Variants in AGBL4 observed in about 807,000 individuals in gnomAD.
AGBL4 encodes cytosolic carboxypeptidase 6.
In AGBL4, 58 loss-of-function variants were observed where a neutral mutation model predicts 66.4. The ratio of observed to expected loss-of-function variants is 0.87; its 90% CI spans 0.71 to 1.09. AGBL4 has a LOEUF of 1.09. Among genes scored for constraint, AGBL4 ranks in the 50% least tolerant of loss-of-function variants. AGBL4 has a pLI of 0.00. For missense variants in AGBL4, 579 were observed against 631.0 expected (o/e 0.92, Z 0.88); for synonymous variants, 234 against 222.9 (o/e 1.05, Z -0.44).
At chr1:49,831,768 T>C (rs1408551440) in intron 2 of AGBL4, among the ~76,000 whole-genome samples, 2 of 152,124 alleles carry the variant, frequency 1.3e-5, no homozygotes, top group Admixed American at 6.5e-5. Flanking sequence ...GCTCTTACTG[T>C]TTTGAGATAT....
At chr1:49,966,299 G>C (rs1233873135) in intron 1 of AGBL4, among the ~76,000 whole-genome samples, 2 of 152,054 alleles carry the variant, frequency 1.3e-5, no homozygotes, top group Non-Finnish European at 2.9e-5. Context: ...TCTAAGCAGA[G>C]AGTTATATTG....
rs569257849 is a variant in AGBL4, at chr1:48,603,601, T to C, written c.952-12616A>G. 1.2e-4 allele frequency among the ~76,000 whole-genome samples: 18 copies of C among 152,106 alleles called. 1 individual carries two copies. Among genetic ancestry groups the C allele is most frequent in the Non-Finnish European group, 1.5e-5 (1 of 68,032 alleles). ...GGCCTTGTAAGTCACTAAGGAGTCA[T>C]GAATTTTCCCTATAAAACGGAAATA... On this transcript the variant is annotated intron_variant, in intron 9 of 13. Coordinates refer to ENST00000371839, the MANE Select transcript of AGBL4 (RefSeq NM_032785.4).
intron 3 of AGBL4, among the ~76,000 whole-genome samples, chr1:49,568,174 C>A (rs546249712): frequency 3.3e-4 from 50 of 152,022 alleles, no homozygotes; most frequent in African/African-American, 1.1e-3. Flanking sequence ...TAAAGGGCAT[C>A]CAAATAGAAA....
chr1:49,818,794 G>T (rs752722102), intron 2 of AGBL4, among the ~76,000 whole-genome samples: 1 of 152,204 alleles, frequency 6.6e-6, no homozygotes, highest in Non-Finnish European at 1.5e-5. Flanking sequence ...AGGCCCAGAT[G>T]TAAGAGCGTG....
intron 6 of AGBL4, among the ~76,000 whole-genome samples, chr1:48,664,152 C>A (rs770585577): frequency 6.6e-6 from 1 of 152,178 alleles, no homozygotes; most frequent in African/African-American, 2.4e-5. Flanking sequence ...AGCAAAGAAG[C>A]CTCACTGAGA....
rs547939104 is a variant in AGBL4 at position 49,759,776 on chromosome 1, A to G, written c.158-62339T>C. Among the ~76,000 whole-genome samples, 12 of 152,370 alleles carry G rather than the reference A, an allele frequency of 7.9e-5. No individual in the cohort carries two copies. The South Asian group carries it at 2.5e-3, about 32-fold the overall frequency. On this transcript the variant is annotated intron_variant, in intron 2 of 13. Coordinates refer to ENST00000371839, the MANE Select transcript of AGBL4 (RefSeq NM_032785.4). ...CCAAACAATGGACGATGATTCAGCC[A>G]TAAACACAAAGTGAGATACTGATAC... is the stretch of plus-strand genomic sequence containing the variant.
rs182647266 is a variant in AGBL4, at chr1:49,675,075, A to C, written c.282+22238T>G. Among the ~76,000 whole-genome samples, 540 of 152,220 alleles carry C rather than the reference A, an allele frequency of 3.5e-3. 8 individuals are homozygous for C. The highest frequency in any genetic ancestry group is 9.4e-4 in the Non-Finnish European group (64 of 67,990). ...TGTTTTAAATGTCTTGAAGATTCTAAGTTTCAGGCCTGAGATGTGGAAGAT... is the reference window on the plus strand; with the variant it reads ...TGTTTTAAATGTCTTGAAGATTCTACGTTTCAGGCCTGAGATGTGGAAGAT... On this transcript the variant is annotated intron_variant, in intron 3 of 13. Coordinates refer to ENST00000371839, the MANE Select transcript of AGBL4 (RefSeq NM_032785.4).
At chr1:49,628,891 C>T (rs1645515725) in intron 3 of AGBL4, among the ~76,000 whole-genome samples, 1 of 152,118 alleles carries the variant, frequency 6.6e-6, no homozygotes, top group Admixed American at 6.5e-5. Context: ...GTTCCCGAGG[C>T]CTTCTTAATC....
chr1:48,614,414 C>G (rs577653285), intron 9 of AGBL4, among the ~76,000 whole-genome samples: 1 of 152,202 alleles, frequency 6.6e-6, no homozygotes, highest in Admixed American at 6.5e-5. Flanking sequence ...GATTTGATTG[C>G]ATCTAACTCA....
intron 3 of AGBL4, among the ~76,000 whole-genome samples, chr1:49,549,003 T>A (rs1282985294): frequency 1.3e-5 from 2 of 151,982 alleles, no homozygotes; most frequent in African/African-American, 4.8e-5. Flanking sequence ...AAGCTAGGAG[T>A]GTTGCATCTT....
intron 3 of AGBL4, among the ~76,000 whole-genome samples, chr1:49,577,753 C>T (rs988285581): frequency 1.3e-5 from 2 of 152,216 alleles, no homozygotes; most frequent in Non-Finnish European, 2.9e-5. Context: ...CCATGTTCCT[C>T]ATTATCCTGA....
chr1:48,911,839 G>A (rs1320894296), intron 5 of AGBL4, among the ~76,000 whole-genome samples: 3 of 152,120 alleles, frequency 2.0e-5, no homozygotes, highest in Non-Finnish European at 2.9e-5. Flanking sequence ...CCAGTTAAAA[G>A]TAATTTCTCC....
chr1:49,434,731 GGT>G (rs1160933829), intron 3 of AGBL4, among the ~76,000 whole-genome samples: 3 of 151,168 alleles, frequency 2.0e-5, no homozygotes, highest in Admixed American at 1.3e-4. Context: ...TGGTGGTGGT[GGT>G]GTGTGTGTGA....
chr1:49,984,534 A>C (rs1025053895), intron 1 of AGBL4, among the ~76,000 whole-genome samples: 4 of 152,196 alleles, frequency 2.6e-5, no homozygotes, highest in African/African-American at 9.7e-5. Flanking sequence ...TTGAACATGT[A>C]TATTTAGCCA....
At chr1:49,014,427 C>A (rs1047029396) in intron 5 of AGBL4, among the ~76,000 whole-genome samples, 6 of 152,208 alleles carry the variant, frequency 3.9e-5, no homozygotes, top group African/African-American at 1.4e-4. Context: ...ATACCTTATC[C>A]TCTTGTGCCT....
chr1:49,149,561 C>T (rs925030023), intron 4 of AGBL4, among the ~76,000 whole-genome samples: 4 of 152,166 alleles, frequency 2.6e-5, no homozygotes, highest in Non-Finnish European at 4.4e-5. Context: ...TGTTAATCTA[C>T]GTTTATGCTA....
At chr1:49,348,349 C>A (rs959116976) in intron 3 of AGBL4, among the ~76,000 whole-genome samples, 3 of 151,842 alleles carry the variant, frequency 2.0e-5, no homozygotes, top group Non-Finnish European at 4.4e-5. Flanking sequence ...ACCCGGGAGG[C>A]GGAGCTTTCA....
chr1:49,274,296 G>C (rs1644121634), intron 3 of AGBL4, among the ~76,000 whole-genome samples: 1 of 152,028 alleles, frequency 6.6e-6, no homozygotes, highest in African/African-American at 2.4e-5. Flanking sequence ...GCCCAAGAGA[G>C]TCCAAGAGAG....
chr1:49,694,382 T>A (rs1390346398), intron 3 of AGBL4, among the ~76,000 whole-genome samples: 5 of 152,130 alleles, frequency 3.3e-5, no homozygotes, highest in Non-Finnish European at 7.4e-5. Flanking sequence ...TTCCTGCAGA[T>A]CTTTATGCCT....
Sources: allele counts gnomAD v4.1 joint callset (sites outside exome capture counted in the v4.1 genomes callset), GRCh38; gene constraint gnomAD v4.1.1; transcripts MANE v1.5; gene names NCBI Gene and HGNC (gene_info 2026-07-23, HGNC 2026-07-21).